Variants in MED13 observed in about 807,000 individuals in gnomAD.
MED13 encodes the protein mediator of RNA polymerase II transcription subunit 13.
MED13 carries 23 observed loss-of-function variants against 225.2 expected under a neutral mutation model. That is an observed-to-expected ratio of 0.10 (90% confidence interval 0.07 to 0.14). The LOEUF (loss-of-function observed/expected upper bound fraction) is 0.14, where lower values mean the gene tolerates loss of function less well. Ranked by LOEUF, MED13 falls within the 10% of genes least tolerant of loss-of-function variation. The pLI is 1.00. For synonymous variants in MED13, 942 were observed against 889.2 expected, an observed-to-expected ratio of 1.06 and a Z score of -1.06; for missense variants, 2,197 against 2,594.5, an observed-to-expected ratio of 0.85 and a Z score of 3.33.
intron 26 of MED13, among the ~76,000 whole-genome samples, chr17:61,955,090 C>T (rs545801859): frequency 6.6e-6 from 1 of 152,246 alleles, no homozygotes; most frequent in South Asian, 2.1e-4. Context: ...AAGTCAGCAA[C>T]ATAGCATCTT....
intron 9 of MED13, chr17:62,003,617 A>AC: frequency 6.6e-6 from 1 of 151,144 alleles, no homozygotes; most frequent in African/African-American, 2.4e-5. Flanking sequence ...AAAAAAAAAA[A>AC]AAAAGCAAAA....
At chr17:61,991,953 T>C (rs549647907) in intron 11 of MED13, among the ~76,000 whole-genome samples, 80 of 152,352 alleles carry the variant, frequency 5.3e-4, no homozygotes, top group African/African-American at 1.8e-3. Context: ...GATCCATTTT[T>C]CAATTATAAT....
chr17:61,998,925 CTTTTTTT>C (rs10617153), intron 9 of MED13, among the ~76,000 whole-genome samples: 4 of 103,864 alleles, frequency 3.9e-5, no homozygotes, highest in Admixed American at 1.1e-4. Context: ...TTAAATGGTA[CTTTTTTT>C]TTTTTTTTTT....
chr17:61,955,952 TTTAAA>T, intron 24 of MED13, 114 bp from the exon 25 acceptor site: 1 of 1,359,164 alleles, frequency 7.4e-7, no homozygotes, highest in Non-Finnish European at 9.5e-7. Flanking sequence ...GTTAATGGCT[TTTAAA>T]TTAGTGTATT....
rs1340086367 is a variant in MED13 at position 61,982,490 on chromosome 17, A to T, written c.3513T>A (p.Ala1171=). Residue 1171 remains alanine (A), a synonymous_variant, in exon 16 of 30, where the codon GCT becomes GCA. Coordinates refer to ENST00000397786, the MANE Select transcript of MED13 (RefSeq NM_005121.3). ...CCTTTAGTCCTCCATTAACATGTTC[A>T]GCAGAGGTAGCCCTGAGAGCTTCAA... ...KRFEALRATS[A]EHVNGGLKES... 2 of 1,614,128 alleles carry T rather than the reference A, an allele frequency of 1.2e-6. No homozygotes were observed. Among genetic ancestry groups the T allele is most frequent in the Non-Finnish European group, 1.7e-6 (2 of 1,180,054 alleles).
rs1044358084 is a variant in MED13, at chr17:61,943,213, G to A, written c.*3255C>T. ...TTCAGACAAACTAAAATCTTAAGAGGAAACCCAGACCAAAATATCACTCAT... is the reference window on the plus strand; with the variant it reads ...TTCAGACAAACTAAAATCTTAAGAGAAAACCCAGACCAAAATATCACTCAT... On this transcript the variant is annotated 3_prime_UTR_variant, in exon 30 of 30. Coordinates refer to ENST00000397786, the MANE Select transcript of MED13 (RefSeq NM_005121.3). The A allele has an allele frequency of 1.3e-5, 2 of 152,490 alleles. No homozygotes were observed. The highest frequency in any genetic ancestry group is 2.9e-5 in the Non-Finnish European group (2 of 67,984). The allele number at this position is 152,490 out of a possible 1,614,324, so 9.4% of individuals were successfully genotyped here. A position where few individuals can be genotyped will look rare whatever the true frequency, so the allele number is the denominator to read the frequency against.
At chr17:62,048,049 T>C (rs139676348) in intron 3 of MED13, among the ~76,000 whole-genome samples, 218 of 112,740 alleles carry the variant, frequency 1.9e-3, no homozygotes, top group East Asian at 6.1e-3. Context: ...TATACATATA[T>C]ATATATATAT....
chr17:61,982,142 G>A (rs2080210041), intron 16 of MED13, 56 bp downstream of exon 16: 3 of 1,494,786 alleles, frequency 2.0e-6, no homozygotes, highest in Non-Finnish European at 2.7e-6. Flanking sequence ...TTTTTCCTAA[G>A]AATGTAACTA....
At position 62,031,585 on chromosome 17, in the gene MED13, T is replaced by C. The variant is rs1352619802; in HGVS notation, c.868A>G (p.Ile290Val). ...ACFVLVPQSD[I>V]PTPSPVGSTH... Reference sequence around the variant, plus strand: ...GATCCCACAGGGCTAGGAGTAGGAATGTCTGACTGAGGGACTAGAACAAAG... The same window carrying C: ...GATCCCACAGGGCTAGGAGTAGGAACGTCTGACTGAGGGACTAGAACAAAG... Residue 290 changes from isoleucine to valine, a missense_variant, in exon 6 of 30, where the codon ATT becomes GTT. Coordinates refer to ENST00000397786, the MANE Select transcript of MED13 (RefSeq NM_005121.3). 1 of 1,613,130 alleles carries C rather than the reference T, an allele frequency of 6.2e-7. No homozygotes were observed. Among genetic ancestry groups the C allele is most frequent in the Non-Finnish European group, 8.5e-7 (1 of 1,179,604 alleles).
intron 6 of MED13, chr17:62,030,829 G>GT (rs1359923540): frequency 6.6e-6 from 1 of 152,206 alleles, no homozygotes; most frequent in Admixed American, 6.5e-5. Context: ...GTTCTTCTGA[G>GT]TAACAGGGCG....
At chr17:61,953,360 A>C (rs1018696107) in intron 26 of MED13, among the ~76,000 whole-genome samples, 1 of 152,210 alleles carries the variant, frequency 6.6e-6, no homozygotes, top group African/African-American at 2.4e-5. Context: ...GAATCTAAGA[A>C]TATGTTACCA....
chr17:62,041,244 T>G (rs1567996408), intron 3 of MED13, among the ~76,000 whole-genome samples: 1 of 152,194 alleles, frequency 6.6e-6, no homozygotes, highest in East Asian at 1.9e-4. Context: ...AAATGAATCT[T>G]GAAGATTTTA....
chr17:61,977,491 G>C (rs1205763825), intron 16 of MED13, among the ~76,000 whole-genome samples: 1 of 152,014 alleles, frequency 6.6e-6, no homozygotes, highest in Non-Finnish European at 1.5e-5. Context: ...TCTCTCTGTC[G>C]CCCAGGCTGG....
chr17:61,954,478 T>C (rs1265150595), intron 26 of MED13, among the ~76,000 whole-genome samples: 1 of 152,152 alleles, frequency 6.6e-6, no homozygotes, highest in Non-Finnish European at 1.5e-5. Flanking sequence ...CTATTGCCTT[T>C]TAAAATAAGT....
At chr17:61,963,416 A>T (rs968835978) in intron 20 of MED13, among the ~76,000 whole-genome samples, 1 of 152,028 alleles carries the variant, frequency 6.6e-6, no homozygotes, top group African/African-American at 2.4e-5. Flanking sequence ...CCACGTTTCC[A>T]GACTTATTTA....
rs761321658 is a variant in MED13, at chr17:62,011,034, G to C, written c.1483C>G (p.Gln495Glu). ...DVGMDADSAS[Q>E]RLVISAPDSQ... is the part of the protein sequence containing the mutation. ...TCTGGAGCAGAGATCACAAGTCTTT[G>C]GCTGGCTGAATCTGCGTCCATGCCA... Residue 495 changes from glutamine to glutamate, a missense_variant, in exon 9 of 30, where the codon CAA (glutamine) becomes GAA (glutamate). Physicochemically the swap from Gln to Glu is conservative, Grantham distance 29. Transcript: ENST00000397786. The C allele has an allele frequency of 3.1e-6, 5 of 1,614,062 alleles. No homozygotes were observed. The highest frequency in any genetic ancestry group is 4.2e-6 in the Non-Finnish European group (5 of 1,180,034).
chr17:61,959,680 C>T (rs1336020567), intron 23 of MED13, among the ~76,000 whole-genome samples: 1 of 150,168 alleles, frequency 6.7e-6, no homozygotes, highest in East Asian at 2.0e-4. Context: ...ACCTAAAAAA[C>T]AAGCTTTTAT....
chr17:62,022,174 A>AAAAT (rs1555640205), intron 8 of MED13, among the ~76,000 whole-genome samples: 68 of 141,314 alleles, frequency 4.8e-4, no homozygotes, highest in East Asian at 2.7e-3. Flanking sequence ...TCAAAAAAAA[A>AAAAT]ATATATATAT....
intron 28 of MED13, 148 bp from the exon 29 acceptor site, chr17:61,947,165 T>C (rs980603603): frequency 3.6e-6 from 2 of 557,010 alleles, no homozygotes; most frequent in Non-Finnish European, 6.3e-6. Context: ...AAAATGCTTG[T>C]TCTCTTTTAA....
Sources: allele counts gnomAD v4.1 joint callset (sites outside exome capture counted in the v4.1 genomes callset), GRCh38; gene constraint gnomAD v4.1.1; transcripts MANE v1.5; gene names NCBI Gene and HGNC (gene_info 2026-07-23, HGNC 2026-07-21).